Variants in OTOGL observed in about 807,000 individuals in gnomAD.
The protein encoded by OTOGL is otogelin like.
A neutral mutation model predicts 318.5 loss-of-function variants in OTOGL; 285 were observed. The ratio of observed to expected loss-of-function variants is 0.89; its 90% CI spans 0.81 to 0.99. OTOGL has a LOEUF of 0.99. Ranked by LOEUF, OTOGL falls within the 50% of genes least tolerant of loss-of-function variation. OTOGL has a pLI of 0.00. For missense variants in OTOGL, 2,899 were observed against 2,845.6 expected (o/e 1.02, Z -0.43); for synonymous variants, 987 against 936.5 (o/e 1.05, Z -0.99).
At chr12:80,356,360 A>T in intron 47 of OTOGL, 56 bp from the exon 48 acceptor site, 1 of 1,346,008 alleles carries the variant, frequency 7.4e-7, no homozygotes, top group Non-Finnish European at 1.0e-6. Context: ...CCCTGCTTTG[A>T]GTTGGCAGAT....
intron 1 of OTOGL, among the ~76,000 whole-genome samples, chr12:80,126,612 A>C (rs1157407373): frequency 6.6e-6 from 1 of 152,178 alleles, no homozygotes; most frequent in Non-Finnish European, 1.5e-5. Context: ...TTTCTGTCTC[A>C]TTGATCTGTC....
Position 80,353,506 on chromosome 12 carries a change from G to A in OTOGL, c.5589G>A (p.Glu1863=), listed in dbSNP as rs777507924. ...CAGCCCAGTGCATTCCAGAGAAAGA[G>A]TGTGGTAAGACACAAAGTACAAAAT... ...PHSAQCIPEK[E]CACTDSEDQP... Residue 1863 remains glutamate (E), a synonymous_variant, in exon 46 of 59, where the codon GAG becomes GAA. Transcript: ENST00000547103. The A allele has an allele frequency of 2.1e-5, 33 of 1,550,310 alleles. No homozygotes were observed. Among genetic ancestry groups the A allele is most frequent in the Admixed American group, 9.8e-5 (5 of 51,280 alleles).
chr12:80,367,941 T>C (rs892856673), intron 54 of OTOGL, among the ~76,000 whole-genome samples: 1 of 152,144 alleles, frequency 6.6e-6, no homozygotes, highest in Non-Finnish European at 1.5e-5. Context: ...AGTCTTATTA[T>C]CTACAGCTTG....
At chr12:80,345,216 ATATATATATAT>A (rs1889113166) in intron 44 of OTOGL, among the ~76,000 whole-genome samples, 2 of 76,564 alleles carry the variant, frequency 2.6e-5, no homozygotes, top group South Asian at 8.0e-4. Context: ...TATGTATAAA[ATATATATATAT>A]TATATATATA....
chr12:80,207,223 T>C (rs552536239), intron 1 of OTOGL, among the ~76,000 whole-genome samples: 1 of 152,128 alleles, frequency 6.6e-6, no homozygotes, highest in Admixed American at 6.6e-5. Context: ...TTCTTTGATA[T>C]GGAGTTTTAC....
intron 1 of OTOGL, among the ~76,000 whole-genome samples, chr12:80,145,837 A>C (rs1272438880): frequency 6.6e-6 from 1 of 151,874 alleles, no homozygotes; most frequent in Non-Finnish European, 1.5e-5. Context: ...ATGGGAGTTC[A>C]CTCATGATTT....
chr12:80,320,071 T>C (rs1331025707), intron 33 of OTOGL, among the ~76,000 whole-genome samples: 2 of 152,180 alleles, frequency 1.3e-5, no homozygotes, highest in East Asian at 3.8e-4. Flanking sequence ...CAAACGCAAA[T>C]ATATGTCCAA....
intron 57 of OTOGL, 132 bp downstream of exon 57, chr12:80,372,196 A>G (rs1489149837): frequency 1.8e-6 from 1 of 571,012 alleles, no homozygotes. Flanking sequence ...ATATTTTTGT[A>G]TCGTATGTTT....
At chr12:80,196,367 T>G (rs1010640939) in intron 1 of OTOGL, among the ~76,000 whole-genome samples, 3 of 152,258 alleles carry the variant, frequency 2.0e-5, no homozygotes, top group African/African-American at 7.2e-5. Context: ...TATTTATAAA[T>G]GTAGACGGGG....
chr12:80,131,153 A>G (rs1592478282), intron 1 of OTOGL: 1 of 151,284 alleles, frequency 6.6e-6, no homozygotes, highest in African/African-American at 2.4e-5. Context: ...CTTGGTCACT[A>G]CCACTACCGC....
At chr12:80,177,060 A>C (rs185378691) in intron 1 of OTOGL, among the ~76,000 whole-genome samples, 1 of 152,220 alleles carries the variant, frequency 6.6e-6, no homozygotes, top group African/African-American at 2.4e-5. Flanking sequence ...AATTGTTTAT[A>C]TATATTGTTT....
At chr12:80,298,363 C>G (rs958802593) in intron 27 of OTOGL, among the ~76,000 whole-genome samples, 3 of 152,142 alleles carry the variant, frequency 2.0e-5, no homozygotes, top group Non-Finnish European at 4.4e-5. Context: ...TGTTCCATTA[C>G]CTGCTTGCTC....
intron 1 of OTOGL, among the ~76,000 whole-genome samples, chr12:80,154,964 T>A (rs549513212): frequency 6.6e-6 from 1 of 152,336 alleles, no homozygotes; most frequent in Non-Finnish European, 1.5e-5. Flanking sequence ...TGTTCTGGAT[T>A]TTGACCATTT....
intron 1 of OTOGL, among the ~76,000 whole-genome samples, chr12:80,109,637 T>A (rs564600292): frequency 6.6e-6 from 1 of 152,310 alleles, no homozygotes; most frequent in African/African-American, 2.4e-5. Context: ...GGGATCCATG[T>A]CTCTTCAATT....
At chr12:80,106,095 C>T (rs1436415390) in intron 1 of OTOGL, among the ~76,000 whole-genome samples, 1 of 152,136 alleles carries the variant, frequency 6.6e-6, no homozygotes, top group South Asian at 2.1e-4. Flanking sequence ...GCAGTATATC[C>T]ACTAAAACAT....
intron 26 of OTOGL, among the ~76,000 whole-genome samples, chr12:80,283,573 G>C (rs979028799): frequency 1.3e-5 from 2 of 151,710 alleles, no homozygotes; most frequent in African/African-American, 4.8e-5. Context: ...CACTTCTTCT[G>C]GGTTCCTCAT....
chr12:80,278,467 G>C (rs374338797), intron 25 of OTOGL, among the ~76,000 whole-genome samples, 192 bp downstream of exon 25: 19 of 151,494 alleles, frequency 1.3e-4, no homozygotes, highest in African/African-American at 4.6e-4. Context: ...ATGCATATTT[G>C]TTCAGCCCAG....
At chr12:80,103,281 T>A in intron 1 of OTOGL, 1 of 1,593,324 alleles carries the variant, frequency 6.3e-7, no homozygotes, top group Non-Finnish European at 8.6e-7. Flanking sequence ...TGCGTTGAAA[T>A]GCCTTTTGCG....
chr12:80,311,200 C>T (rs897124304), intron 30 of OTOGL, among the ~76,000 whole-genome samples: 2 of 152,114 alleles, frequency 1.3e-5, no homozygotes, highest in African/African-American at 4.8e-5. Context: ...TATTTTAGGT[C>T]CCAATAGAAG....
Sources: allele counts gnomAD v4.1 joint callset (sites outside exome capture counted in the v4.1 genomes callset), GRCh38; gene constraint gnomAD v4.1.1; transcripts MANE v1.5; gene names NCBI Gene and HGNC (gene_info 2026-07-23, HGNC 2026-07-21).